Variants in SV2C observed in about 807,000 individuals in gnomAD.
The protein encoded by SV2C is synaptic vesicle glycoprotein 2C, also known as solute carrier family 22 member B3.
Under a neutral mutation model 79.7 loss-of-function variants are expected in SV2C, and 49 were observed. That is an observed-to-expected ratio of 0.61 (90% CI 0.49 to 0.78). The LOEUF (loss-of-function observed/expected upper bound fraction) is 0.78, where lower values mean the gene tolerates loss of function less well. Among genes scored for constraint, SV2C ranks in the 30% least tolerant of loss-of-function variants. SV2C has a pLI of 0.00. For missense variants in SV2C, 833 were observed against 912.9 expected, an observed-to-expected ratio of 0.91 and a Z score of 1.13; for synonymous variants, 334 against 333.2, an observed-to-expected ratio of 1.00 and a Z score of -0.03.
chr5:76,179,031 C>T (rs914645269), intron 2 of SV2C, among the ~76,000 whole-genome samples: 1 of 152,096 alleles, frequency 6.6e-6, no homozygotes, highest in Non-Finnish European at 1.5e-5. Flanking sequence ...ATAGTTCCTG[C>T]CAGGAGTCAA....
At chr5:76,277,552 T>C (rs1431476060) in intron 4 of SV2C, among the ~76,000 whole-genome samples, 1 of 152,124 alleles carries the variant, frequency 6.6e-6, no homozygotes, top group African/African-American at 2.4e-5. Flanking sequence ...GGCAGAAGGA[T>C]GGCTTGAGCC....
rs184639766 is a variant in SV2C at position 76,183,859 on chromosome 5, C to A, written c.581-11060C>A. Among the ~76,000 whole-genome samples the A allele has an allele frequency of 1.1e-3, 170 of 152,280 alleles. 1 individual carries two copies. Among genetic ancestry groups the A allele is most frequent in the Admixed American group, 2.0e-3 (31 of 15,306 alleles). ...ATTCATTATTCAAAACCCAGTACAA[C>A]CATCACCCTGTATGTGAAGCTTTTC... On this transcript the variant is annotated intron_variant, in intron 2 of 12. Coordinates refer to ENST00000502798, the MANE Select transcript of SV2C (RefSeq NM_014979.4).
the SV2C span, among the ~76,000 whole-genome samples, chr5:75,964,265 G>A: frequency 1.8e-4 from 28 of 152,300 alleles, no homozygotes; most frequent in South Asian, 6.2e-4. Flanking sequence ...TCTACCAACA[G>A]GCTTGCCTTG....
chr5:75,896,008 T>G, the SV2C span, among the ~76,000 whole-genome samples: 1 of 152,102 alleles, frequency 6.6e-6, no homozygotes, highest in Admixed American at 6.6e-5. Flanking sequence ...CATACATAAT[T>G]TATGTATGCA....
At chr5:76,149,165 T>C (rs1482634891) in intron 2 of SV2C, among the ~76,000 whole-genome samples, 1 of 152,240 alleles carries the variant, frequency 6.6e-6, no homozygotes, top group Non-Finnish European at 1.5e-5. Flanking sequence ...ATCAGTCATA[T>C]TAATTTCATT....
At chr5:75,856,525 G>A in the SV2C span, among the ~76,000 whole-genome samples, 1 of 152,094 alleles carries the variant, frequency 6.6e-6, no homozygotes, top group South Asian at 2.1e-4. Flanking sequence ...GTTTTGATTT[G>A]CATTTCTTTG....
Position 76,194,995 on chromosome 5 carries a change from G to T in SV2C, c.657G>T (p.Gln219His). The change falls in exon 3 of 13, where the codon CAG (glutamine) becomes CAT (histidine). Residue 219 changes from glutamine (Q) to histidine (H), a missense_variant. Coordinates refer to ENST00000502798, the MANE Select transcript of SV2C (RefSeq NM_014979.4). ...GGLADKVGRKQSLLICMSVNG... is the reference protein window; with the variant it reads ...GGLADKVGRKHSLLICMSVNG... ...TGGCAGACAAAGTGGGAAGGAAACA[G>T]TCTCTTCTGATTTGCATGTCTGTCA... 1 of 1,614,034 alleles carries T rather than the reference G, an allele frequency of 6.2e-7. No homozygotes were observed. Among genetic ancestry groups the T allele is most frequent in the Non-Finnish European group, 8.5e-7 (1 of 1,179,928 alleles).
At chr5:76,231,969 A>G (rs201989577) in intron 4 of SV2C, among the ~76,000 whole-genome samples, 71 of 137,540 alleles carry the variant, frequency 5.2e-4, no homozygotes, top group African/African-American at 2.2e-3. Flanking sequence ...GGGATGGCTG[A>G]GTCAAATGGT....
chr5:76,267,588 T>C (rs6453212), intron 4 of SV2C, among the ~76,000 whole-genome samples: 22,162 of 152,268 alleles, frequency 0.15, 1,850 homozygotes, highest in African/African-American at 0.23. Flanking sequence ...TAGCAGAGTA[T>C]ATATTATAAA....
chr5:76,066,697 G>T, the SV2C span, among the ~76,000 whole-genome samples: 3 of 151,426 alleles, frequency 2.0e-5, no homozygotes, highest in Admixed American at 6.6e-5. Flanking sequence ...CTGAACTGAG[G>T]TTCACATGAA....
At chr5:76,054,896 TAC>T in the SV2C span, among the ~76,000 whole-genome samples, 3 of 152,360 alleles carry the variant, frequency 2.0e-5, no homozygotes, top group Admixed American at 1.3e-4. Flanking sequence ...TGCTGGATAT[TAC>T]ACCTTTGTCA....
intron 4 of SV2C, among the ~76,000 whole-genome samples, chr5:76,243,012 T>TAAAAAAAAAAA (rs559052290): frequency 6.0e-4 from 30 of 49,928 alleles, no homozygotes; most frequent in Non-Finnish European, 6.4e-4. Flanking sequence ...AGACCCCATC[T>TAAAAAAAAAAA]AAAAAAAAAA....
At chr5:76,345,897 C>A (rs905750082) in intron 12 of SV2C, among the ~76,000 whole-genome samples, 3 of 152,152 alleles carry the variant, frequency 2.0e-5, no homozygotes, top group African/African-American at 7.2e-5. Context: ...CCCTCCATCA[C>A]CCTCAACTGC....
At chr5:76,002,303 T>C in the SV2C span, among the ~76,000 whole-genome samples, 1 of 152,140 alleles carries the variant, frequency 6.6e-6, no homozygotes, top group Admixed American at 6.6e-5. Flanking sequence ...TTTCATATAA[T>C]ACCAGTCATG....
At chr5:76,132,977 T>C (rs953578800) in intron 2 of SV2C, among the ~76,000 whole-genome samples, 2 of 151,762 alleles carry the variant, frequency 1.3e-5, no homozygotes, top group Non-Finnish European at 2.9e-5. Flanking sequence ...AATATATAAA[T>C]ATTTAAATGT....
chr5:76,070,371 T>A, the SV2C span, among the ~76,000 whole-genome samples: 487 of 152,300 alleles, frequency 3.2e-3, 12 homozygotes, highest in East Asian at 0.036. Context: ...CCTTGTTCTA[T>A]CAGGCAGGTT....
chr5:75,856,991 C>G, the SV2C span, among the ~76,000 whole-genome samples: 1 of 138,376 alleles, frequency 7.2e-6, no homozygotes, highest in African/African-American at 2.8e-5. Context: ...GAGTCTCGCT[C>G]TGTCACCCAG....
chr5:76,037,983 A>C, the SV2C span, among the ~76,000 whole-genome samples: 37 of 152,202 alleles, frequency 2.4e-4, no homozygotes, highest in African/African-American at 7.0e-4. Flanking sequence ...GCGCAGTATT[A>C]GGGTGGGAGT....
the SV2C span, among the ~76,000 whole-genome samples, chr5:75,899,931 C>A: frequency 2.0e-5 from 3 of 152,222 alleles, no homozygotes; most frequent in East Asian, 5.8e-4. Context: ...AGATCTTCCT[C>A]CATCCTTTTA....
Sources: allele counts gnomAD v4.1 joint callset (sites outside exome capture counted in the v4.1 genomes callset), GRCh38; gene constraint gnomAD v4.1.1; transcripts MANE v1.5; gene names NCBI Gene and HGNC (gene_info 2026-07-23, HGNC 2026-07-21).